PTPRD: variants seen among roughly 807,000 people sequenced by gnomAD.
The protein encoded by PTPRD is receptor-type tyrosine-protein phosphatase delta.
In PTPRD, 34 loss-of-function variants were observed where a neutral mutation model predicts 214.5. That is an observed-to-expected ratio of 0.16 (90% CI 0.12 to 0.21). The LOEUF is 0.21. Among genes scored for constraint, PTPRD ranks in the 10% least tolerant of loss-of-function variants. The probability of loss-of-function intolerance (pLI) is 1.00; values close to 1 mark genes in which losing one functional copy is unlikely to be tolerated. For synonymous variants in PTPRD, 1,128 were observed against 845.7 expected (o/e 1.33, Z -5.79); for missense variants, 2,545 against 2,398.7 (o/e 1.06, Z -1.27).
chr9:9,994,074 G>T (rs2096043920), intron 4 of PTPRD, among the ~76,000 whole-genome samples: 1 of 152,116 alleles, frequency 6.6e-6, no homozygotes, highest in East Asian at 1.9e-4. Context: ...CTGAGATACA[G>T]AAAGATTAAT....
chr9:8,346,959 A>C (rs1043492045), intron 39 of PTPRD, among the ~76,000 whole-genome samples: 3 of 152,130 alleles, frequency 2.0e-5, no homozygotes, highest in Non-Finnish European at 2.9e-5. Flanking sequence ...CACTTAGTTA[A>C]GATGAAAAAG....
intron 7 of PTPRD, among the ~76,000 whole-genome samples, chr9:9,601,146 TGTG>T (rs1304110293): frequency 0.081 from 8,280 of 102,384 alleles, 665 homozygotes; most frequent in African/African-American, 0.2. Context: ...TGTGTGTGTG[TGTG>T]TATGGGGGGG....
intron 5 of PTPRD, among the ~76,000 whole-genome samples, chr9:9,914,319 C>A (rs1235712393): frequency 6.6e-6 from 1 of 152,148 alleles, no homozygotes; most frequent in African/African-American, 2.4e-5. Flanking sequence ...AGAAACAGTC[C>A]CAAAGGCTTC....
At chr9:8,380,114 T>G (rs889201111) in intron 37 of PTPRD, among the ~76,000 whole-genome samples, 3 of 152,134 alleles carry the variant, frequency 2.0e-5, no homozygotes, top group Non-Finnish European at 2.9e-5. Flanking sequence ...ATAAATTACC[T>G]AAATCAGTCT....
At chr9:9,147,870 T>C (rs2099871341) in intron 10 of PTPRD, among the ~76,000 whole-genome samples, 1 of 152,208 alleles carries the variant, frequency 6.6e-6, no homozygotes, top group Non-Finnish European at 1.5e-5. Context: ...GGCCTCACCC[T>C]CTATATTCAG....
intron 3 of PTPRD, among the ~76,000 whole-genome samples, chr9:10,098,241 G>C (rs989936424): frequency 2.0e-5 from 3 of 150,590 alleles, no homozygotes; most frequent in African/African-American, 7.3e-5. Context: ...ACTATCGCAA[G>C]GACAAAAAAC....
chr9:10,211,391 T>C (rs528184609), intron 3 of PTPRD, among the ~76,000 whole-genome samples: 10 of 152,290 alleles, frequency 6.6e-5, no homozygotes, highest in African/African-American at 2.4e-4. Flanking sequence ...AAGATAATTG[T>C]CTAAATTCTG....
chr9:9,334,791 C>T (rs2043778687), intron 9 of PTPRD, among the ~76,000 whole-genome samples: 1 of 151,806 alleles, frequency 6.6e-6, no homozygotes, highest in Admixed American at 6.6e-5. Context: ...AACCATGTTG[C>T]TTTGTTCAGA....
At chr9:10,060,347 A>G (rs1385542138) in intron 3 of PTPRD, among the ~76,000 whole-genome samples, 1 of 152,102 alleles carries the variant, frequency 6.6e-6, no homozygotes, top group Non-Finnish European at 1.5e-5. Flanking sequence ...AAATTCACTC[A>G]GATACATTGT....
chr9:8,376,470 G>T, intron 38 of PTPRD, 137 bp downstream of exon 38: 1 of 1,264,356 alleles, frequency 7.9e-7, no homozygotes. Flanking sequence ...GAGTGATAAT[G>T]GAAGATCTAT....
intron 2 of PTPRD, among the ~76,000 whole-genome samples, chr9:10,542,995 C>A (rs1167918050): frequency 3.9e-5 from 6 of 152,212 alleles, no homozygotes; most frequent in African/African-American, 1.2e-4. Context: ...AGGTGATGCA[C>A]CTTCCTTGGT....
chr9:9,905,415 C>T (rs1296913508), intron 5 of PTPRD, among the ~76,000 whole-genome samples: 1 of 151,880 alleles, frequency 6.6e-6, no homozygotes, highest in Admixed American at 6.6e-5. Flanking sequence ...CTGCAAACAA[C>T]TATATTGTCA....
chr9:8,720,116 A>G (rs1181861951), intron 12 of PTPRD, among the ~76,000 whole-genome samples: 1 of 152,168 alleles, frequency 6.6e-6, no homozygotes, highest in African/African-American at 2.4e-5. Flanking sequence ...TCCACCTCCC[A>G]TGTGGTCACT....
At chr9:10,363,995 T>TTG (rs1555222210) in intron 2 of PTPRD, among the ~76,000 whole-genome samples, 4 of 58,806 alleles carry the variant, frequency 6.8e-5, no homozygotes, top group South Asian at 5.8e-4. Flanking sequence ...TTTCGGGTTT[T>TTG]TTTTTTTTTT....
At chr9:9,617,259 C>T (rs564758093) in intron 7 of PTPRD, among the ~76,000 whole-genome samples, 2 of 152,244 alleles carry the variant, frequency 1.3e-5, no homozygotes, top group African/African-American at 2.4e-5. Flanking sequence ...GAATTAGACT[C>T]CTCGTAGCCA....
At chr9:9,642,554 T>G (rs1213321252) in intron 7 of PTPRD, among the ~76,000 whole-genome samples, 1 of 152,172 alleles carries the variant, frequency 6.6e-6, no homozygotes. Flanking sequence ...CTTCTCTCTG[T>G]AACTGTTTGC....
At position 8,518,997 on chromosome 9, in the gene PTPRD, T is replaced by C. The variant is rs151295128; in HGVS notation, c.962-568A>G. Among the ~76,000 whole-genome samples the C allele has an allele frequency of 9.3e-4, 141 of 152,292 alleles. No individual in the cohort carries two copies. The East Asian group carries it at 0.025, about 27-fold the overall frequency. On this transcript the variant is annotated intron_variant, in intron 20 of 45. Transcript: ENST00000381196. ...TGAAAAGAACAAAATGTGGAATACA[T>C]TGAAATGAAATTAAATTGCGATGAA...
intron 27 of PTPRD, among the ~76,000 whole-genome samples, chr9:8,487,464 T>C (rs1356970989): frequency 6.6e-6 from 1 of 152,082 alleles, no homozygotes; most frequent in Non-Finnish European, 1.5e-5. Context: ...GTATGGTGGC[T>C]CATGTCTATA....
At chr9:9,076,005 G>C (rs2099750630) in intron 10 of PTPRD, among the ~76,000 whole-genome samples, 1 of 152,136 alleles carries the variant, frequency 6.6e-6, no homozygotes, top group African/African-American at 2.4e-5. Context: ...CACAATGGTT[G>C]AACTAGTTTA....
Sources: gnomAD v4.1 joint callset for allele counts (sites outside exome capture counted in the v4.1 genomes callset) on GRCh38, gnomAD v4.1.1 for gene constraint, MANE v1.5 for transcripts, NCBI Gene and HGNC (gene_info 2026-07-23, HGNC 2026-07-21) for gene names.